The following PRKN variants were observed in gnomAD, a reference collection of about 807,000 sequenced individuals.
PRKN encodes E3 ubiquitin-protein ligase parkin.
A neutral mutation model predicts 59.5 loss-of-function variants in PRKN; 56 were observed. The ratio of observed to expected loss-of-function variants is 0.94; its 90% CI spans 0.76 to 1.18. The LOEUF is 1.18. Ranked by LOEUF, PRKN falls within the 50% of genes most tolerant of loss-of-function variation. The probability of loss-of-function intolerance (pLI) is 0.00; values close to 1 mark genes in which losing one functional copy is unlikely to be tolerated. For missense variants in PRKN, 657 were observed against 596.4 expected (o/e 1.10, Z -1.06); for synonymous variants, 250 against 222.1 (o/e 1.13, Z -1.12).
chr6:162,471,487 T>C (rs867910277), intron 1 of PRKN, among the ~76,000 whole-genome samples: 48 of 152,218 alleles, frequency 3.2e-4, no homozygotes, highest in African/African-American at 1.1e-3. Context: ...ATTCCCGCTA[T>C]ATGTTCTCCT....
At chr6:162,049,746 A>G (rs1464493346) in intron 5 of PRKN, among the ~76,000 whole-genome samples, 1 of 152,062 alleles carries the variant, frequency 6.6e-6, no homozygotes, top group African/African-American at 2.4e-5. Context: ...ACAGATTTTT[A>G]GAGTTATATT....
In PRKN at chr6:161,378,444, G is replaced by A. The variant is rs1441829395; in HGVS notation, c.1167+8350C>T. 1.3e-5 allele frequency among the ~76,000 whole-genome samples: 2 copies of A among 152,154 alleles called. No individual in the cohort carries two copies. The highest frequency in any genetic ancestry group is 2.4e-5 in the African/African-American group (1 of 41,440). Reference sequence around the variant, plus strand: ...GAGTCCTGTGTGTCCTCCACTCCTCGAGGAGACCAACTAACTGGCCAGTGG... The same window carrying A: ...GAGTCCTGTGTGTCCTCCACTCCTCAAGGAGACCAACTAACTGGCCAGTGG... On this transcript the variant is annotated intron_variant, in intron 10 of 11. Coordinates refer to ENST00000366898, the MANE Select transcript of PRKN (RefSeq NM_004562.3). The surrounding 1 kb of genome is among the most constrained non-coding windows in gnomAD (Gnocchi z 7.3).
chr6:161,823,915 C>A (rs754880836), intron 6 of PRKN, among the ~76,000 whole-genome samples: 1 of 152,300 alleles, frequency 6.6e-6, no homozygotes, highest in South Asian at 2.1e-4. Flanking sequence ...AGGACAGGTG[C>A]CCCTTTCCAC....
At chr6:161,859,728 T>C (rs1793813626) in intron 6 of PRKN, among the ~76,000 whole-genome samples, 1 of 152,180 alleles carries the variant, frequency 6.6e-6, no homozygotes, top group Non-Finnish European at 1.5e-5. Context: ...ATGGTTATGC[T>C]TATTCAGTGG....
intron 4 of PRKN, among the ~76,000 whole-genome samples, chr6:162,122,889 T>C (rs1015882384): frequency 2.6e-5 from 4 of 152,064 alleles, no homozygotes; most frequent in African/African-American, 4.8e-5. Flanking sequence ...TTCACTACTA[T>C]ATCTAATAAC....
chr6:162,396,310 A>G (rs1787472778), intron 2 of PRKN, among the ~76,000 whole-genome samples: 1 of 152,188 alleles, frequency 6.6e-6, no homozygotes, highest in Non-Finnish European at 1.5e-5. Context: ...TCGTGTTTGA[A>G]CAGGAGTGCA....
chr6:162,715,894 G>GA (rs1293525662), intron 1 of PRKN, among the ~76,000 whole-genome samples: 95 of 152,172 alleles, frequency 6.2e-4, no homozygotes, highest in Admixed American at 4.1e-3. Context: ...GCCTGCTCAG[G>GA]AGTCCAGTCT....
intron 7 of PRKN, among the ~76,000 whole-genome samples, chr6:161,761,237 C>T (rs988309080): frequency 1.4e-4 from 21 of 152,202 alleles, no homozygotes; most frequent in African/African-American, 2.9e-4. Flanking sequence ...CCAGATAAGA[C>T]GGGCTGCTCT....
Position 162,639,998 on chromosome 6 carries a change from C to T in PRKN, c.7+87664G>A, listed in dbSNP as rs150285229. Among the ~76,000 whole-genome samples, 313 of 152,212 alleles carry T rather than the reference C, an allele frequency of 2.1e-3. 6 individuals carry two copies. The highest frequency in any genetic ancestry group is 0.017 in the Admixed American group (254 of 15,282). On this transcript the variant is annotated intron_variant, in intron 1 of 11. Coordinates refer to ENST00000366898, the MANE Select transcript of PRKN (RefSeq NM_004562.3). Reference sequence around the variant, plus strand: ...TGAGTGTAGGAGACTCAGCCCAAGACGTTTTCTCCAGCAGATTTTATATAT... The same window carrying T: ...TGAGTGTAGGAGACTCAGCCCAAGATGTTTTCTCCAGCAGATTTTATATAT...
At chr6:162,569,294 C>T in intron 1 of PRKN, 1 of 602,582 alleles carries the variant, frequency 1.7e-6, no homozygotes. Flanking sequence ...AGATGTCAAG[C>T]AGCGTGGGGA....
At position 161,388,413 on chromosome 6, in the gene PRKN, C is replaced by A. The variant is rs1169519967; in HGVS notation, c.1084-1536G>T. Among the ~76,000 whole-genome samples the A allele has an allele frequency of 1.3e-5, 2 of 152,186 alleles. No individual in the cohort carries two copies. Among genetic ancestry groups the A allele is most frequent in the Non-Finnish European group, 2.9e-5 (2 of 68,032 alleles). ...TCCTCACCAGAAAACTGGTTTCTTT[C>A]AATGGAACTTTCTTTAATAAGTTGT... On this transcript the variant is annotated intron_variant, in intron 9 of 11. Coordinates refer to ENST00000366898, the MANE Select transcript of PRKN (RefSeq NM_004562.3). This position sits in a 1 kb window ranked among gnomAD's most constrained non-coding sequence, Gnocchi z 4.3.
intron 1 of PRKN, among the ~76,000 whole-genome samples, chr6:162,548,304 G>A (rs1317687042): frequency 6.6e-5 from 10 of 150,844 alleles, no homozygotes; most frequent in African/African-American, 2.4e-4. Flanking sequence ...TGATCCGCCT[G>A]CCTCAGCCTC....
At chr6:162,443,518 C>T (rs888686073) in intron 1 of PRKN, 45 bp from the exon 2 acceptor site, 2 of 1,584,272 alleles carry the variant, frequency 1.3e-6, no homozygotes, top group Non-Finnish European at 8.7e-7. Flanking sequence ...GAGCATCACT[C>T]GAAGCCCTTA....
chr6:162,244,265 G>A (rs1483713377), intron 3 of PRKN, among the ~76,000 whole-genome samples: 2 of 152,042 alleles, frequency 1.3e-5, no homozygotes, highest in East Asian at 3.9e-4. Context: ...GAGGTGATGA[G>A]TAAGAAGCCA....
intron 6 of PRKN, among the ~76,000 whole-genome samples, chr6:161,914,334 G>GA (rs1395335454): frequency 6.6e-6 from 1 of 152,090 alleles, no homozygotes; most frequent in Non-Finnish European, 1.5e-5. Flanking sequence ...GACCTTTTAT[G>GA]AAAAAGATAT....
intron 1 of PRKN, among the ~76,000 whole-genome samples, chr6:162,556,348 T>G (rs1326961944): frequency 7.2e-4 from 38 of 53,108 alleles, no homozygotes; most frequent in Non-Finnish European, 1.3e-3. Context: ...AGCTGGTGTG[T>G]GTGTGTGTGT....
At chr6:161,675,310 C>T (rs16892910) in intron 7 of PRKN, among the ~76,000 whole-genome samples, 24,370 of 152,104 alleles carry the variant, frequency 0.16, 2,688 homozygotes, top group Admixed American at 0.37. Context: ...CGACTAACTA[C>T]GGTCACATAA....
At chr6:161,511,404 G>A (rs752939529) in intron 9 of PRKN, among the ~76,000 whole-genome samples, 6 of 152,122 alleles carry the variant, frequency 3.9e-5, no homozygotes, top group African/African-American at 9.7e-5. Context: ...TAAACCGCAC[G>A]AGGCCTAAGA....
intron 8 of PRKN, among the ~76,000 whole-genome samples, chr6:161,569,143 C>G (rs958187824): frequency 2.0e-5 from 3 of 152,212 alleles, no homozygotes; most frequent in African/African-American, 4.8e-5. Context: ...ACTGCACTGG[C>G]AGATAGCAGA....
Sources: gnomAD v4.1 joint callset for allele counts (sites outside exome capture counted in the v4.1 genomes callset) on GRCh38, gnomAD v4.1.1 for gene constraint, Gnocchi (gnomAD v3.1) non-coding constraint, MANE v1.5 for transcripts, NCBI Gene and HGNC (gene_info 2026-07-23, HGNC 2026-07-21) for gene names.